The following SCAF4 variants were observed in gnomAD, a reference collection of about 807,000 sequenced individuals.
SCAF4 encodes the protein SR-related CTD associated factor 4, also known as SR-related and CTD-associated factor 4.
A neutral mutation model predicts 129.8 loss-of-function variants in SCAF4; 25 were observed. That is an observed-to-expected ratio of 0.19 (90% CI 0.14 to 0.27). The LOEUF is 0.27. Among genes scored for constraint, SCAF4 ranks in the 10% least tolerant of loss-of-function variants. SCAF4 has a pLI of 1.00. For missense variants in SCAF4, 1,246 were observed against 1,457.1 expected (o/e 0.86, Z 2.36); for synonymous variants, 551 against 497.7 (o/e 1.11, Z -1.43).
chr21:31,711,580 A>T (rs1436944450), intron 1 of SCAF4, among the ~76,000 whole-genome samples: 1 of 152,220 alleles, frequency 6.6e-6, no homozygotes, highest in East Asian at 1.9e-4. Flanking sequence ...AAAGTTAATT[A>T]AGTGGTAAAA....
chr21:31,682,249 C>T (rs908171529), intron 19 of SCAF4, among the ~76,000 whole-genome samples: 9 of 151,964 alleles, frequency 5.9e-5, no homozygotes, highest in African/African-American at 1.9e-4. Flanking sequence ...CGTGGTGGCA[C>T]GCGCCTGTAG....
chr21:31,671,452 A>C lies in SCAF4; in HGVS notation c.3391T>G (p.Ser1131Ala). The change falls in exon 20 of 20, where the codon TCA (serine) becomes GCA (alanine). Residue 1131 changes from serine (S) to alanine (A), a missense_variant. Physicochemically the swap from Ser to Ala is moderately conservative, Grantham distance 99. This residue lies in a region of SCAF4 where 339 missense variants were observed against 325.0 expected (regional missense o/e 1.04). Coordinates refer to ENST00000286835, the MANE Select transcript of SCAF4 (RefSeq NM_020706.2). ...GAATCCTTTTCGGGTTCAACGGATG[A>C]GGTAGCCTCAGCAGGTAACTCTTCA... ...PSEELPAEAT[S>A]SVEPEKDSGS... is the part of the protein sequence containing the mutation. 1 of 1,614,140 alleles carries C rather than the reference A, an allele frequency of 6.2e-7. No homozygotes were observed. The highest frequency in any genetic ancestry group is 1.3e-5 in the African/African-American group (1 of 75,054).
intron 11 of SCAF4, 45 bp downstream of exon 11, chr21:31,694,158 TC>T: frequency 1.0e-6 from 1 of 981,172 alleles, no homozygotes; most frequent in Non-Finnish European, 1.6e-6. Context: ...AATTTCTATG[TC>T]CCCTAAGATA....
chr21:31,677,883 A>G (rs1432954104), intron 19 of SCAF4, among the ~76,000 whole-genome samples: 1 of 152,162 alleles, frequency 6.6e-6, no homozygotes, highest in Non-Finnish European at 1.5e-5. Flanking sequence ...CTCCCCATCT[A>G]TAAAATGAAG....
rs1869223036 is a variant in SCAF4 at position 31,685,694 on chromosome 21, G to C, written c.2083C>G (p.Leu695Val). The C allele has an allele frequency of 6.2e-6, 10 of 1,611,106 alleles. No homozygotes were observed. The highest frequency in any genetic ancestry group is 1.3e-5 in the African/African-American group (1 of 74,858). ...GGAGGCGTGAAAGCAGGCGGCTGGA[G>C]AGCACCAACTACAGGTGGACCCGGT... ...HQPGPPVVGA[L>V]QPPAFTPPLG... Residue 695 changes from leucine to valine, a missense_variant, in exon 17 of 20, where the codon CTC becomes GTC. This residue lies in a region of SCAF4 where 468 missense variants were observed against 605.5 expected (regional missense o/e 0.77). Coordinates refer to ENST00000286835, the MANE Select transcript of SCAF4 (RefSeq NM_020706.2).
rs576194007 is a variant in SCAF4 at position 31,727,617 on chromosome 21, C to T, written c.30+4046G>A. ...GTCCATCCTGGCCAACATGGTGAAA[C>T]CCCGTCTCTACTAAAAATACAAAAA... On this transcript the variant is annotated intron_variant, in intron 1 of 19. Coordinates refer to ENST00000286835, the MANE Select transcript of SCAF4 (RefSeq NM_020706.2). Among the ~76,000 whole-genome samples the T allele has an allele frequency of 3.9e-5, 6 of 152,074 alleles. No homozygotes were observed. The South Asian group carries it at 1.0e-3, about 26-fold the overall frequency.
At chr21:31,725,136 A>G (rs1306894986) in intron 1 of SCAF4, among the ~76,000 whole-genome samples, 1 of 152,178 alleles carries the variant, frequency 6.6e-6, no homozygotes, top group Non-Finnish European at 1.5e-5. Flanking sequence ...GAAATCTCCA[A>G]TTTTACTGCC....
chr21:31,715,167 A>C lies in SCAF4; in HGVS notation c.31-8810T>G, dbSNP rs565517484. ...CTAGGGAAGAATCTATTTCTTGTCT[A>C]ATCTTGCTTCTACAGGGTGCCTACA... On this transcript the variant is annotated intron_variant, in intron 1 of 19. Coordinates refer to ENST00000286835, the MANE Select transcript of SCAF4 (RefSeq NM_020706.2). 4.6e-5 allele frequency among the ~76,000 whole-genome samples: 7 copies of C among 152,280 alleles called. No individual in the cohort carries two copies. The South Asian group carries it at 1.4e-3, about 32-fold the overall frequency.
intron 16 of SCAF4, among the ~76,000 whole-genome samples, chr21:31,686,508 C>G (rs1455849164): frequency 6.6e-6 from 1 of 152,094 alleles, no homozygotes; most frequent in African/African-American, 2.4e-5. Flanking sequence ...CGGCAAAGTG[C>G]CAACCACACA....
chr21:31,726,707 A>T (rs1427810130), intron 1 of SCAF4, among the ~76,000 whole-genome samples: 1 of 152,218 alleles, frequency 6.6e-6, no homozygotes, highest in African/African-American at 2.4e-5. Flanking sequence ...GTTTGAGAAC[A>T]GCTGTCCTAC....
chr21:31,713,341 T>G (rs1397482224), intron 1 of SCAF4, among the ~76,000 whole-genome samples: 1 of 152,168 alleles, frequency 6.6e-6, no homozygotes, highest in Non-Finnish European at 1.5e-5. Context: ...CTATGAGAAT[T>G]CCTCCATCTG....
chr21:31,731,850 G>T lies in SCAF4; in HGVS notation c.-158C>A. 1 of 774,974 alleles carries T rather than the reference G, an allele frequency of 1.3e-6. No individual in the cohort carries two copies. The highest frequency in any genetic ancestry group is 1.9e-6 in the Non-Finnish European group (1 of 535,682). 48.0% of individuals were successfully genotyped at this position (774,974 alleles called of 1,614,324 possible). A position where few individuals can be genotyped will look rare whatever the true frequency, so the allele number is the denominator to read the frequency against. On this transcript the variant is annotated 5_prime_UTR_variant, in exon 1 of 20. Coordinates refer to ENST00000286835, the MANE Select transcript of SCAF4 (RefSeq NM_020706.2). ...GCAGGAAGAGGCTGCGCCCGAAGCGGCGAGGCGGGCGGCCGAGGCAGAGGC... is the reference window on the plus strand; with the variant it reads ...GCAGGAAGAGGCTGCGCCCGAAGCGTCGAGGCGGGCGGCCGAGGCAGAGGC...
intron 1 of SCAF4, among the ~76,000 whole-genome samples, chr21:31,721,779 T>C (rs1393734206): frequency 1.4e-5 from 2 of 144,570 alleles, no homozygotes; most frequent in Non-Finnish European, 3.0e-5. Context: ...CGGGCTGGAG[T>C]GCACAGGCAC....
intron 11 of SCAF4, among the ~76,000 whole-genome samples, chr21:31,693,692 G>A (rs181025365): frequency 6.6e-6 from 1 of 152,180 alleles, no homozygotes; most frequent in African/African-American, 2.4e-5. Flanking sequence ...AATGTTGACA[G>A]CTTATATAAG....
chr21:31,722,698 G>A (rs1460118060), intron 1 of SCAF4, among the ~76,000 whole-genome samples: 2 of 152,228 alleles, frequency 1.3e-5, no homozygotes, highest in South Asian at 2.1e-4. Context: ...GCTCACGCCT[G>A]TAATCCCAGC....
At chr21:31,706,883 C>A in intron 1 of SCAF4, 1 of 305,086 alleles carries the variant, frequency 3.3e-6, no homozygotes, top group South Asian at 3.3e-5. Flanking sequence ...CATACCATGT[C>A]TTATCAGTGG....
At chr21:31,704,094 T>G (rs961761300) in intron 3 of SCAF4, among the ~76,000 whole-genome samples, 168 bp from the exon 4 acceptor site, 4 of 152,048 alleles carry the variant, frequency 2.6e-5, no homozygotes, top group East Asian at 1.9e-4. Flanking sequence ...AAATTTCCCA[T>G]GTCTATAATG....
Position 31,671,966 on chromosome 21 carries a change from T to C in SCAF4, c.2877A>G (p.Pro959=), listed in dbSNP as rs756735610. The C allele has an allele frequency of 2.8e-5, 45 of 1,605,062 alleles. No individual in the cohort carries two copies. The highest frequency in any genetic ancestry group is 2.2e-4 in the South Asian group (20 of 90,738). The change falls in exon 20 of 20, where the codon CCA becomes CCG. Residue 959 remains proline, a synonymous_variant. Transcript: ENST00000286835. ...QQPQPQAPQQ[P]QQQQQQQPPP... ...GTGGCTGCTGCTGCTGCTGCTGCTG[T>C]GGTTGCTGGGGCGCCTGCGGCTGTG...
chr21:31,690,339 G>C (rs1204731123), intron 15 of SCAF4, among the ~76,000 whole-genome samples: 1 of 151,894 alleles, frequency 6.6e-6, no homozygotes. Context: ...GCAAAAATTA[G>C]CCGGGCAAGG....
Sources: gnomAD v4.1 joint callset for allele counts (sites outside exome capture counted in the v4.1 genomes callset) on GRCh38, gnomAD v4.1.1 for gene constraint, gnomAD v4.1.1 regional missense constraint, MANE v1.5 for transcripts, NCBI Gene and HGNC (gene_info 2026-07-23, HGNC 2026-07-21) for gene names.